Variants in GREB1L observed in about 807,000 individuals in gnomAD.
GREB1L encodes the protein GREB1 like retinoic acid receptor coactivator, also known as GREB1-like protein.
In GREB1L, 17 loss-of-function variants were observed where a neutral mutation model predicts 200.8. The ratio of observed to expected loss-of-function variants is 0.08; its 90% CI spans 0.06 to 0.13. The LOEUF (loss-of-function observed/expected upper bound fraction) is 0.13. Ranked by LOEUF, GREB1L falls within the 10% of genes least tolerant of loss-of-function variation. GREB1L has a pLI of 1.00. For missense variants in GREB1L, 1,657 were observed against 2,367.7 expected (o/e 0.70, Z 6.23); for synonymous variants, 789 against 893.0 (o/e 0.88, Z 2.08).
chr18:21,383,662 T>C lies in GREB1L; in HGVS notation c.144T>C (p.Pro48=), dbSNP rs2040417483. 3 of 1,550,344 alleles carry C rather than the reference T, an allele frequency of 1.9e-6. No homozygotes were observed. In the East Asian group the frequency reaches 7.3e-5, roughly 38 times the overall value. The change falls in exon 3 of 33, where the codon CCT becomes CCC. Residue 48 remains proline, a synonymous_variant. Transcript: ENST00000424526. The part of the protein sequence containing the change: ...SQLYLDPDQH[P]FSSADVKPKV... Reference sequence around the variant, plus strand: ...TATACCTGGACCCTGACCAGCATCCTTTCTCATCTGCAGGTAAGTTTCTCA... The same window carrying C: ...TATACCTGGACCCTGACCAGCATCCCTTCTCATCTGCAGGTAAGTTTCTCA...
intron 1 of GREB1L, among the ~76,000 whole-genome samples, chr18:21,293,577 A>G (rs2038483080): frequency 6.6e-6 from 1 of 152,156 alleles, no homozygotes; most frequent in African/African-American, 2.4e-5. Flanking sequence ...TATTTTGTAT[A>G]TATTGTGTAT....
At chr18:21,440,811 C>G (rs532333967) in intron 9 of GREB1L, among the ~76,000 whole-genome samples, 10 of 152,316 alleles carry the variant, frequency 6.6e-5, no homozygotes, top group South Asian at 2.1e-4. Flanking sequence ...TTCAGAACAC[C>G]TAACTGTAGC....
At chr18:21,398,908 A>G (rs2041196161) in intron 5 of GREB1L, among the ~76,000 whole-genome samples, 2 of 152,298 alleles carry the variant, frequency 1.3e-5, no homozygotes, top group Admixed American at 6.5e-5. Context: ...GACAACAAGA[A>G]CTTCAAGCAG....
intron 1 of GREB1L, among the ~76,000 whole-genome samples, chr18:21,363,299 C>CCCCCCCCCCCCCCCCA (rs1555631604): frequency 9.5e-6 from 1 of 105,528 alleles, no homozygotes; most frequent in Non-Finnish European, 1.9e-5. Flanking sequence ...CCCCCCCCCC[C>CCCCCCCCCCCCCCCCA]CACACACACA....
chr18:21,489,332 C>T (rs1598917294), intron 18 of GREB1L, among the ~76,000 whole-genome samples: 6 of 152,234 alleles, frequency 3.9e-5, no homozygotes, highest in Admixed American at 3.9e-4. Context: ...TGCTATTTCT[C>T]CAGTCAGCTC....
At chr18:21,306,508 G>T (rs1312443974) in intron 1 of GREB1L, among the ~76,000 whole-genome samples, 2 of 152,200 alleles carry the variant, frequency 1.3e-5, no homozygotes, top group Non-Finnish European at 2.9e-5. Context: ...GCAACTTGAT[G>T]TGTTATGTGC....
intron 2 of GREB1L, among the ~76,000 whole-genome samples, chr18:21,373,619 G>A (rs2039964662): frequency 6.6e-6 from 1 of 152,136 alleles, no homozygotes; most frequent in Admixed American, 6.5e-5. Context: ...CAGGCCGTGA[G>A]CCACTGTGCC....
chr18:21,306,489 C>T (rs2038702096), intron 1 of GREB1L, among the ~76,000 whole-genome samples: 1 of 152,158 alleles, frequency 6.6e-6, no homozygotes, highest in Admixed American at 6.5e-5. Context: ...GTTCTGCATA[C>T]TTTTCTTTGC....
chr18:21,522,965 A>G lies in GREB1L; in HGVS notation c.*144A>G. 1 of 706,010 alleles carries G rather than the reference A, an allele frequency of 1.4e-6. No homozygotes were observed. Among genetic ancestry groups the G allele is most frequent in the Admixed American group, 3.2e-5 (1 of 31,514 alleles). The allele number at this position is 706,010 out of a possible 1,614,324, so 43.7% of individuals were successfully genotyped here. A position where few individuals can be genotyped will look rare whatever the true frequency, so the allele number is the denominator to read the frequency against. On this transcript the variant is annotated 3_prime_UTR_variant, in exon 33 of 33. Transcript: ENST00000424526. The stretch of plus-strand genomic sequence containing the variant: ...TCTAAATTCTCCAAAGAACTCCCCA[A>G]ATCTGATCCAGGTCTTTGGGGACAT...
At chr18:21,403,647 G>A (rs377536048) in intron 6 of GREB1L, among the ~76,000 whole-genome samples, 1 of 152,142 alleles carries the variant, frequency 6.6e-6, no homozygotes, top group African/African-American at 2.4e-5. Context: ...AGGGAACAAA[G>A]GTCCAATTTC....
chr18:21,418,450 G>C (rs1329144440), intron 7 of GREB1L, among the ~76,000 whole-genome samples: 1 of 151,936 alleles, frequency 6.6e-6, no homozygotes, highest in African/African-American at 2.4e-5. Flanking sequence ...TTGTTATACT[G>C]TATTGGGTTT....
intron 5 of GREB1L, among the ~76,000 whole-genome samples, chr18:21,397,433 G>A (rs900146833): frequency 3.3e-5 from 5 of 151,576 alleles, no homozygotes; most frequent in African/African-American, 9.7e-5. Flanking sequence ...GCTGAGGCAG[G>A]AGAATGGCGT....
At chr18:21,354,105 C>T (rs568430570) in intron 1 of GREB1L, among the ~76,000 whole-genome samples, 2 of 152,144 alleles carry the variant, frequency 1.3e-5, no homozygotes, top group African/African-American at 2.4e-5. Context: ...TTAATTCTTT[C>T]GTAATTGTTA....
chr18:21,441,683 A>G lies in GREB1L; in HGVS notation c.1207+146A>G, dbSNP rs2033912027. 3.6e-6 allele frequency: 3 copies of G among 837,348 alleles called. No individual in the cohort carries two copies. In the South Asian group the frequency reaches 5.6e-5, roughly 16 times the overall value. 51.9% of individuals were successfully genotyped at this position (837,348 alleles called of 1,614,324 possible). ...TTATTGGTCAGCTCTTTCATGCTAT[A>G]TTAAACATGTGATTAGGAGCTGAGG... On this transcript the variant is annotated intron_variant, in intron 10 of 32. Transcript: ENST00000424526.
At chr18:21,294,572 G>A (rs1199640670) in intron 1 of GREB1L, among the ~76,000 whole-genome samples, 1 of 151,668 alleles carries the variant, frequency 6.6e-6, no homozygotes, top group Non-Finnish European at 1.5e-5. Flanking sequence ...CATGTGGCTT[G>A]GTAGGGTCAA....
chr18:21,474,985 T>C (rs912435113), intron 16 of GREB1L, among the ~76,000 whole-genome samples: 8 of 152,088 alleles, frequency 5.3e-5, no homozygotes, highest in South Asian at 4.1e-4. Flanking sequence ...CCACAACACA[T>C]GGGAATTATG....
intron 6 of GREB1L, 122 bp from the exon 7 acceptor site, chr18:21,403,749 AT>A: frequency 1.4e-6 from 1 of 727,298 alleles, no homozygotes; most frequent in Non-Finnish European, 2.2e-6. Context: ...GTGATCTCTA[AT>A]TAAAGTGGCT....
intron 16 of GREB1L, among the ~76,000 whole-genome samples, 188 bp downstream of exon 16, chr18:21,473,399 A>G (rs762753360): frequency 2.6e-5 from 4 of 151,900 alleles, no homozygotes; most frequent in Non-Finnish European, 4.4e-5. Flanking sequence ...GTGAAACCCC[A>G]TCTCTGCTAA....
chr18:21,324,800 ACT>A (rs979399560), intron 1 of GREB1L, among the ~76,000 whole-genome samples: 2 of 152,182 alleles, frequency 1.3e-5, no homozygotes, highest in African/African-American at 4.8e-5. Context: ...ACAGAGCGAG[ACT>A]CTGTCTCAAA....
Sources: allele counts gnomAD v4.1 joint callset (sites outside exome capture counted in the v4.1 genomes callset), GRCh38; gene constraint gnomAD v4.1.1; transcripts MANE v1.5; gene names NCBI Gene and HGNC (gene_info 2026-07-23, HGNC 2026-07-21).